Variants in NRG3 observed in about 807,000 individuals in gnomAD.
The protein encoded by NRG3 is pro-neuregulin-3, membrane-bound isoform.
A neutral mutation model predicts 66.9 loss-of-function variants in NRG3; 31 were observed. The observed-to-expected ratio is 0.46, with a 90% CI of 0.35 to 0.63. The LOEUF is 0.63. Among genes scored for constraint, NRG3 ranks in the 20% least tolerant of loss-of-function variants. NRG3 has a pLI of 0.00. For missense variants in NRG3, 910 were observed against 878.9 expected (o/e 1.04, Z -0.45); for synonymous variants, 393 against 359.4 (o/e 1.09, Z -1.06).
At chr10:82,253,549 C>T (rs889986017) in intron 1 of NRG3, among the ~76,000 whole-genome samples, 4 of 152,154 alleles carry the variant, frequency 2.6e-5, no homozygotes, top group Non-Finnish European at 4.4e-5. Context: ...CCAATCCTTC[C>T]GTTTCTTTTC....
Position 82,518,892 on chromosome 10 carries a change from C to A in NRG3, c.953+160024C>A, listed in dbSNP as rs1314952406. ...AGCCTGAACAGTTCAGAAATTAATG[C>A]CTCTCATAACACCAAGAGATTTGAT... On this transcript the variant is annotated intron_variant, in intron 2 of 8. Coordinates refer to ENST00000372141, the MANE Select transcript of NRG3 (RefSeq NM_001010848.4). 2.6e-5 allele frequency among the ~76,000 whole-genome samples: 4 copies of A among 152,112 alleles called. No homozygotes were observed. The East Asian group carries it at 7.7e-4, about 29-fold the overall frequency.
intron 1 of NRG3, among the ~76,000 whole-genome samples, chr10:82,160,874 G>C (rs1429962762): frequency 6.6e-6 from 1 of 151,884 alleles, no homozygotes; most frequent in Admixed American, 6.6e-5. Flanking sequence ...AGAAAATGAA[G>C]CTCACTGTTA....
chr10:82,113,143 C>G (rs2067489826), intron 1 of NRG3, among the ~76,000 whole-genome samples: 1 of 152,158 alleles, frequency 6.6e-6, no homozygotes, highest in South Asian at 2.1e-4. Flanking sequence ...TAAATAGCAA[C>G]AGCAAATACT....
At chr10:82,862,052 G>A (rs2064154583) in intron 3 of NRG3, among the ~76,000 whole-genome samples, 1 of 152,194 alleles carries the variant, frequency 6.6e-6, no homozygotes, top group Non-Finnish European at 1.5e-5. Context: ...GGCAGGATAA[G>A]TAAGGTTAGG....
chr10:82,241,723 T>C (rs990616950), intron 1 of NRG3, among the ~76,000 whole-genome samples: 8 of 152,196 alleles, frequency 5.3e-5, no homozygotes, highest in African/African-American at 1.9e-4. Flanking sequence ...TATTAAGTAA[T>C]GGAGGTTAAA....
intron 1 of NRG3, among the ~76,000 whole-genome samples, chr10:82,263,898 T>G (rs577856727): frequency 6.6e-6 from 1 of 152,296 alleles, no homozygotes; most frequent in Admixed American, 6.5e-5. Context: ...CCAGTTTAAG[T>G]TAAAGTTAGG....
intron 4 of NRG3, among the ~76,000 whole-genome samples, chr10:82,888,803 A>G (rs1359475639): frequency 1.3e-5 from 2 of 152,038 alleles, no homozygotes; most frequent in Admixed American, 6.6e-5. Context: ...CAGGACAAGG[A>G]GTTGAATTTT....
chr10:82,985,113 T>C lies in NRG3; in HGVS notation c.1599T>C (p.Gly533=). 6.2e-7 allele frequency: 1 copy of C among 1,613,532 alleles called. No individual in the cohort carries two copies. The highest frequency in any genetic ancestry group is 1.1e-5 in the South Asian group (1 of 91,022). ...TCTTTTTCAGGTATTCATCCAGTGG[T>C]TTAAAAACCCAACGAAATACATCAA... ...TIPCQGYSSS[G]LKTQRNTSIN... The change falls in exon 9 of 9, where the codon GGT becomes GGC. Residue 533 remains glycine (G), a synonymous_variant. Transcript: ENST00000372141.
At chr10:82,697,652 G>A (rs562111035) in intron 2 of NRG3, among the ~76,000 whole-genome samples, 5 of 152,282 alleles carry the variant, frequency 3.3e-5, no homozygotes, top group South Asian at 2.1e-4. Flanking sequence ...CCAACAGCAC[G>A]TGGGCAATTG....
At chr10:82,780,836 C>T (rs1471152819) in intron 3 of NRG3, among the ~76,000 whole-genome samples, 2 of 152,158 alleles carry the variant, frequency 1.3e-5, no homozygotes, top group East Asian at 3.9e-4. Flanking sequence ...GAGCACTTTT[C>T]CTGGCCCCTT....
chr10:82,969,884 A>G (rs1224119961), intron 6 of NRG3, among the ~76,000 whole-genome samples: 1 of 152,268 alleles, frequency 6.6e-6, no homozygotes, highest in Non-Finnish European at 1.5e-5. Context: ...TATAAACACC[A>G]GGCTAATTAT....
intron 1 of NRG3, among the ~76,000 whole-genome samples, chr10:82,130,830 G>A (rs192822849): frequency 3.9e-5 from 6 of 152,136 alleles, no homozygotes; most frequent in South Asian, 2.1e-4. Context: ...TTTGCCATTC[G>A]TGTGTCTTTT....
At chr10:82,883,339 G>T (rs1216280005) in intron 4 of NRG3, among the ~76,000 whole-genome samples, 3 of 152,172 alleles carry the variant, frequency 2.0e-5, no homozygotes, top group Non-Finnish European at 4.4e-5. Context: ...AGATCAGCAA[G>T]TTGAACCTGT....
intron 2 of NRG3, among the ~76,000 whole-genome samples, chr10:82,449,153 C>T (rs923927068): frequency 7.2e-5 from 11 of 152,162 alleles, no homozygotes; most frequent in African/African-American, 1.9e-4. Context: ...ATCTGAACCA[C>T]GTGGGGCCAT....
At chr10:82,785,183 A>G (rs189712073) in intron 3 of NRG3, among the ~76,000 whole-genome samples, 52 of 150,680 alleles carry the variant, frequency 3.5e-4, no homozygotes, top group African/African-American at 1.2e-3. Flanking sequence ...GAAGGGGAAC[A>G]TCACACTCTG....
intron 1 of NRG3, among the ~76,000 whole-genome samples, chr10:82,071,763 G>T (rs12219548): frequency 6.6e-6 from 1 of 152,056 alleles, no homozygotes. Context: ...CTGAAGGGAC[G>T]CTGTGGAGCC....
At position 82,118,805 on chromosome 10, in the gene NRG3, C is replaced by T. The variant is rs568024182; in HGVS notation, c.824-239934C>T. ...GCCTATGCAAGTGTGTTACAGAGTA[C>T]AGCTAGGTGAGTGACTCCTGATGAG... On this transcript the variant is annotated intron_variant, in intron 1 of 8. Transcript: ENST00000372141. Among the ~76,000 whole-genome samples the T allele has an allele frequency of 2.2e-4, 34 of 152,170 alleles. No individual in the cohort carries two copies. The East Asian group carries it at 3.3e-3, about 15-fold the overall frequency.
At chr10:82,028,189 A>G (rs2062404287) in intron 1 of NRG3, among the ~76,000 whole-genome samples, 1 of 152,094 alleles carries the variant, frequency 6.6e-6, no homozygotes, top group Non-Finnish European at 1.5e-5. Flanking sequence ...AACTGCAATG[A>G]TTATCTTGTA....
chr10:82,398,914 A>T (rs7095393), intron 2 of NRG3, among the ~76,000 whole-genome samples: 61,515 of 152,006 alleles, frequency 0.4, 15,228 homozygotes, highest in African/African-American at 0.69. Context: ...TCTCACCCCC[A>T]CTTAAGTACA....
Sources: allele counts gnomAD v4.1 joint callset (sites outside exome capture counted in the v4.1 genomes callset), GRCh38; gene constraint gnomAD v4.1.1; transcripts MANE v1.5; gene names NCBI Gene and HGNC (gene_info 2026-07-23, HGNC 2026-07-21).